Variants in LCA5 observed in about 807,000 individuals in gnomAD.
LCA5 encodes the protein lebercilin LCA5, also known as lebercilin.
LCA5 carries 37 observed loss-of-function variants against 53.0 expected under a neutral mutation model. That is an observed-to-expected ratio of 0.70 (90% CI 0.54 to 0.92). LCA5 has a LOEUF of 0.92. Ranked by LOEUF, LCA5 falls within the 40% of genes least tolerant of loss-of-function variation. LCA5 has a pLI of 0.00. For synonymous variants in LCA5, 303 were observed against 282.9 expected (o/e 1.07, Z -0.71); for missense variants, 806 against 790.5 (o/e 1.02, Z -0.23).
intron 3 of LCA5, among the ~76,000 whole-genome samples, chr6:79,511,090 A>C (rs1004410366): frequency 1.3e-5 from 2 of 152,212 alleles, no homozygotes; most frequent in South Asian, 4.1e-4. Flanking sequence ...GCAGTTTCTT[A>C]CAACACCAAA....
At chr6:79,498,420 A>G in intron 3 of LCA5, among the ~76,000 whole-genome samples, 1 of 152,150 alleles carries the variant, frequency 6.6e-6, no homozygotes, top group Non-Finnish European at 1.5e-5. Context: ...ACAGGAAACC[A>G]TTAAACTCAA....
Position 79,518,695 on chromosome 6 carries a change from G to T in LCA5, c.190+10C>A. The T allele has an allele frequency of 6.2e-7, 1 of 1,613,676 alleles. No homozygotes were observed. The highest frequency in any genetic ancestry group is 8.5e-7 in the Non-Finnish European group (1 of 1,179,606). ...TCTAGGTCCACCAGACTCTTTTAAAGAATGCTTACCTTGGTGATGTACTTG... is the reference window on the plus strand; with the variant it reads ...TCTAGGTCCACCAGACTCTTTTAAATAATGCTTACCTTGGTGATGTACTTG... On this transcript the variant is annotated intron_variant, in intron 2 of 7. Coordinates refer to ENST00000369846, the MANE Select transcript of LCA5 (RefSeq NM_001122769.3).
Position 79,518,766 on chromosome 6 carries a change from A to G in LCA5, c.129T>C (p.Pro43=), listed in dbSNP as rs1425534093. The change falls in exon 2 of 8, where the codon CCT becomes CCC. Residue 43 remains proline (P), a synonymous_variant. Transcript: ENST00000369846. ...SGRSSLVSSS[P]ASVRRKNPKR... ...TAGGATTTTTTCTCCTAACACTTGC[A>G]GGTGAAGAACTGACCAGCGATGATC... 6.2e-7 allele frequency: 1 copy of G among 1,614,060 alleles called. No homozygotes were observed. Among genetic ancestry groups the G allele is most frequent in the Non-Finnish European group, 8.5e-7 (1 of 1,180,024 alleles).
At chr6:79,492,073 T>C (rs1254590579) in intron 5 of LCA5, among the ~76,000 whole-genome samples, 1 of 152,012 alleles carries the variant, frequency 6.6e-6, no homozygotes. Flanking sequence ...AGGGAAATTA[T>C]ACTTTTGTTA....
intron 1 of LCA5, among the ~76,000 whole-genome samples, chr6:79,533,605 C>G (rs1345290998): frequency 6.6e-6 from 1 of 150,904 alleles, no homozygotes; most frequent in East Asian, 1.9e-4. Context: ...AGTAAAAAGT[C>G]CCAAACAGTA....
Position 79,487,417 on chromosome 6 carries a change from C to T in LCA5, c.1681G>A (p.Ala561Thr). ...GGATTTGACCTCTCTGATGTTTTTG[C>T]AAACGAAGGCACGTAGCTACCAAAT... ...FAFGSYVPSF[A>T]KTSERSNPFS... Residue 561 changes from alanine (A) to threonine (T), a missense_variant, in exon 8 of 8, where the codon GCA becomes ACA. Coordinates refer to ENST00000369846, the MANE Select transcript of LCA5 (RefSeq NM_001122769.3). 6.2e-7 allele frequency: 1 copy of T among 1,612,548 alleles called. No homozygotes were observed. Among genetic ancestry groups the T allele is most frequent in the Non-Finnish European group, 8.5e-7 (1 of 1,179,410 alleles).
At chr6:79,488,761 A>C in intron 7 of LCA5, 1 of 424,496 alleles carries the variant, frequency 2.4e-6, no homozygotes, top group South Asian at 6.7e-5. Flanking sequence ...TAAAAATTTT[A>C]AAATATGTAA....
intron 7 of LCA5, 182 bp from the exon 8 acceptor site, chr6:79,488,048 A>C: frequency 3.4e-6 from 2 of 587,054 alleles, no homozygotes; most frequent in Non-Finnish European, 5.9e-6. Flanking sequence ...TATATTTAAT[A>C]CGTATTGCAT....
chr6:79,536,357 A>G (rs143253280), intron 1 of LCA5, among the ~76,000 whole-genome samples: 1 of 152,164 alleles, frequency 6.6e-6, no homozygotes, highest in African/African-American at 2.4e-5. Context: ...AGATATCTCT[A>G]ATGCAAGTTC....
chr6:79,489,059 T>C, intron 7 of LCA5, 25 bp downstream of exon 7: 3 of 1,612,012 alleles, frequency 1.9e-6, no homozygotes, highest in Non-Finnish European at 2.5e-6. Context: ...ACTTGTCACA[T>C]GCTTAAACAA....
rs1439711535 is a variant in LCA5 at position 79,516,114 on chromosome 6, T to G, written c.191-2373A>C. On this transcript the variant is annotated intron_variant, in intron 2 of 7. Transcript: ENST00000369846. Reference sequence around the variant, plus strand: ...AATAATACTCATATATTATTAAAATTAATTTCATTTGTTTTTTTTTTAACC... The same window carrying G: ...AATAATACTCATATATTATTAAAATGAATTTCATTTGTTTTTTTTTTAACC... Among the ~76,000 whole-genome samples the G allele has an allele frequency of 2.0e-5, 3 of 151,922 alleles. No individual in the cohort carries two copies. The East Asian group carries it at 5.8e-4, about 29-fold the overall frequency.
chr6:79,530,320 C>T (rs1005785962), intron 1 of LCA5, among the ~76,000 whole-genome samples: 3 of 151,830 alleles, frequency 2.0e-5, no homozygotes, highest in African/African-American at 7.3e-5. Context: ...AACACATGGA[C>T]ATATAGAGGG....
chr6:79,488,777 C>A, intron 7 of LCA5: 1 of 466,916 alleles, frequency 2.1e-6, no homozygotes, highest in African/African-American at 2.5e-5. Flanking sequence ...TGTAAGAACA[C>A]CACAAGTATA....
At chr6:79,508,741 G>A (rs1156369735) in intron 3 of LCA5, among the ~76,000 whole-genome samples, 1 of 151,992 alleles carries the variant, frequency 6.6e-6, no homozygotes, top group Non-Finnish European at 1.5e-5. Context: ...GGGATACCCA[G>A]GATTTTCTTA....
At chr6:79,533,497 G>A (rs1767014551) in intron 1 of LCA5, among the ~76,000 whole-genome samples, 1 of 151,618 alleles carries the variant, frequency 6.6e-6, no homozygotes, top group South Asian at 2.1e-4. Flanking sequence ...ATTTCCTAAA[G>A]CTGGCTAAAC....
intron 6 of LCA5, among the ~76,000 whole-genome samples, chr6:79,491,247 G>A (rs1769829963): frequency 6.6e-6 from 1 of 152,038 alleles, no homozygotes; most frequent in Non-Finnish European, 1.5e-5. Context: ...AATAGGTGAT[G>A]TAAACTAAAA....
chr6:79,506,724 T>C (rs570594092), intron 3 of LCA5, among the ~76,000 whole-genome samples: 31 of 152,350 alleles, frequency 2.0e-4, no homozygotes, highest in African/African-American at 7.0e-4. Context: ...TGAGACACTT[T>C]GGAGGGTCTT....
chr6:79,489,624 CAAT>C (rs1243311228), intron 6 of LCA5, among the ~76,000 whole-genome samples: 3 of 152,042 alleles, frequency 2.0e-5, no homozygotes, highest in Admixed American at 2.0e-4. Context: ...TGAGCAGTGA[CAAT>C]ATTATGTCCA....
At chr6:79,523,944 C>T (rs548704457) in intron 1 of LCA5, among the ~76,000 whole-genome samples, 1 of 152,308 alleles carries the variant, frequency 6.6e-6, no homozygotes, top group African/African-American at 2.4e-5. Flanking sequence ...CAATTTTAGA[C>T]TATGAAAGAT....
Sources: gnomAD v4.1 joint callset for allele counts (sites outside exome capture counted in the v4.1 genomes callset) on GRCh38, gnomAD v4.1.1 for gene constraint, MANE v1.5 for transcripts, NCBI Gene and HGNC (gene_info 2026-07-23, HGNC 2026-07-21) for gene names.